Variants in GTF2B observed in about 807,000 individuals in gnomAD.
GTF2B encodes transcription initiation factor IIB.
Under a neutral mutation model 34.6 loss-of-function variants are expected in GTF2B, and 20 were observed. The ratio of observed to expected loss-of-function variants is 0.58; its 90% CI spans 0.41 to 0.84. GTF2B has a LOEUF of 0.84. Ranked by LOEUF, GTF2B falls within the 40% of genes least tolerant of loss-of-function variation. The pLI, the probability that GTF2B is intolerant of heterozygous loss-of-function variation, is 0.00. For missense variants in GTF2B, 237 were observed against 393.3 expected, an observed-to-expected ratio of 0.60 and a Z score of 3.36; for synonymous variants, 142 against 132.4, an observed-to-expected ratio of 1.07 and a Z score of -0.50.
intron 2 of GTF2B, among the ~76,000 whole-genome samples, chr1:88,877,797 T>G (rs917058732): frequency 6.6e-6 from 1 of 152,126 alleles, no homozygotes; most frequent in African/African-American, 2.4e-5. Flanking sequence ...TTGGGCATGG[T>G]GGTGGTCACC....
At chr1:88,876,826 A>G (rs760042993) in intron 2 of GTF2B, among the ~76,000 whole-genome samples, 11 of 152,236 alleles carry the variant, frequency 7.2e-5, no homozygotes, top group African/African-American at 2.7e-4. Context: ...AGATGAAACA[A>G]ATTAAGCTTG....
chr1:88,857,133 G>C, intron 6 of GTF2B, 73 bp downstream of exon 6: 1 of 1,376,908 alleles, frequency 7.3e-7, no homozygotes, highest in Non-Finnish European at 1.0e-6. Flanking sequence ...ACCCGGTTCA[G>C]ACTTAAAATG....
At chr1:88,889,267 C>T (rs1674142145) in intron 1 of GTF2B, among the ~76,000 whole-genome samples, 1 of 152,048 alleles carries the variant, frequency 6.6e-6, no homozygotes. Flanking sequence ...GTATGTGTTA[C>T]CTATCAAAAT....
chr1:88,870,822 A>T (rs1673674197), intron 2 of GTF2B, among the ~76,000 whole-genome samples: 1 of 151,840 alleles, frequency 6.6e-6, no homozygotes, highest in Admixed American at 6.6e-5. Context: ...TACTCTAAGT[A>T]TCTTAAATAG....
At chr1:88,856,174 GC>G (rs1557651986) in intron 6 of GTF2B, among the ~76,000 whole-genome samples, 1 of 149,034 alleles carries the variant, frequency 6.7e-6, no homozygotes, top group Non-Finnish European at 1.5e-5. Flanking sequence ...GGAAGCTGAG[GC>G]ATGAGAATAG....
intron 3 of GTF2B, among the ~76,000 whole-genome samples, chr1:88,860,665 T>C (rs1237333805): frequency 6.6e-6 from 1 of 151,940 alleles, no homozygotes; most frequent in Non-Finnish European, 1.5e-5. Context: ...TCAAATAATG[T>C]AAAACATTAT....
chr1:88,857,843 G>A (rs1338184787), intron 5 of GTF2B, among the ~76,000 whole-genome samples: 1 of 151,620 alleles, frequency 6.6e-6, no homozygotes, highest in Non-Finnish European at 1.5e-5. Context: ...CACCACACCT[G>A]GCTAACTTTT....
intron 2 of GTF2B, among the ~76,000 whole-genome samples, chr1:88,873,168 C>T (rs1673737281): frequency 6.7e-6 from 1 of 149,840 alleles, no homozygotes; most frequent in South Asian, 2.1e-4. Context: ...AAACTTCCCA[C>T]AGGATTCCAT....
At chr1:88,886,890 C>CA (rs1674081761) in intron 2 of GTF2B, among the ~76,000 whole-genome samples, 1 of 151,698 alleles carries the variant, frequency 6.6e-6, no homozygotes, top group African/African-American at 2.4e-5. Context: ...GGAAACTATG[C>CA]AAAAGTGAAG....
intron 3 of GTF2B, among the ~76,000 whole-genome samples, chr1:88,860,669 A>T (rs1183002827): frequency 6.6e-6 from 1 of 152,048 alleles, no homozygotes; most frequent in Non-Finnish European, 1.5e-5. Flanking sequence ...ATAATGTAAA[A>T]CATTATATTA....
intron 6 of GTF2B, among the ~76,000 whole-genome samples, chr1:88,855,455 A>G: frequency 6.7e-6 from 1 of 148,992 alleles, no homozygotes; most frequent in East Asian, 2.0e-4. Flanking sequence ...CAAGTTCAAG[A>G]GATTCTTGTC....
intron 3 of GTF2B, among the ~76,000 whole-genome samples, chr1:88,862,551 AAC>A (rs911383449): frequency 3.1e-4 from 47 of 152,112 alleles, no homozygotes; most frequent in African/African-American, 1.1e-3. Flanking sequence ...TCAAAAACAA[AAC>A]AGACTATACA....
chr1:88,889,480 T>C, intron 1 of GTF2B, among the ~76,000 whole-genome samples: 1 of 152,256 alleles, frequency 6.6e-6, no homozygotes, highest in East Asian at 1.9e-4. Context: ...TTATTGGGCA[T>C]GGACTGTATT....
At chr1:88,882,597 G>C (rs535843719) in intron 2 of GTF2B, among the ~76,000 whole-genome samples, 1 of 152,218 alleles carries the variant, frequency 6.6e-6, no homozygotes, top group Non-Finnish European at 1.5e-5. Flanking sequence ...ATTCTCTTTT[G>C]GGGATCACAT....
At chr1:88,889,810 G>C (rs1674157742) in intron 1 of GTF2B, among the ~76,000 whole-genome samples, 1 of 152,150 alleles carries the variant, frequency 6.6e-6, no homozygotes, top group South Asian at 2.1e-4. Context: ...CTTGGACCCA[G>C]GAGTTCAGGA....
intron 2 of GTF2B, among the ~76,000 whole-genome samples, chr1:88,869,325 A>T (rs770561131): frequency 3.3e-5 from 5 of 152,212 alleles, no homozygotes; most frequent in Admixed American, 6.5e-5. Flanking sequence ...CCAGTCCCCC[A>T]CAGATACTGA....
rs1182072726 is a variant in GTF2B at position 88,888,759 on chromosome 1, A to C, written c.18-1392T>G. 2.6e-5 allele frequency among the ~76,000 whole-genome samples: 4 copies of C among 152,242 alleles called. No individual in the cohort carries two copies. The East Asian group carries it at 7.7e-4, about 29-fold the overall frequency. On this transcript the variant is annotated intron_variant, in intron 1 of 6. Coordinates refer to ENST00000370500, the MANE Select transcript of GTF2B (RefSeq NM_001514.6). ...AAAGTATGAACTAACCATACACCAT[A>C]ACATGGATGAACCTCAAAATACTAA...
At chr1:88,877,223 TTAG>T (rs1486102739) in intron 2 of GTF2B, among the ~76,000 whole-genome samples, 4 of 152,166 alleles carry the variant, frequency 2.6e-5, no homozygotes, top group African/African-American at 9.7e-5. Flanking sequence ...CAGAATGAGT[TTAG>T]TAGAAGGGAG....
intron 3 of GTF2B, among the ~76,000 whole-genome samples, chr1:88,862,183 A>G (rs1280742043): frequency 6.6e-6 from 1 of 152,216 alleles, no homozygotes; most frequent in South Asian, 2.1e-4. Context: ...GAAAAGATAG[A>G]AAGTTGAGAA....
Sources: allele counts gnomAD v4.1 joint callset (sites outside exome capture counted in the v4.1 genomes callset), GRCh38; gene constraint gnomAD v4.1.1; transcripts MANE v1.5; gene names NCBI Gene and HGNC (gene_info 2026-07-23, HGNC 2026-07-21).